LPCAT3: variants seen among roughly 807,000 people sequenced by gnomAD.
LPCAT3 encodes lysophospholipid acyltransferase 5.
LPCAT3 carries 21 observed loss-of-function variants against 63.4 expected under a neutral mutation model. The observed-to-expected ratio is 0.33, with a 90% confidence interval of 0.23 to 0.48. The LOEUF (loss-of-function observed/expected upper bound fraction) is 0.48, where lower values mean the gene tolerates loss of function less well. LPCAT3 is among the 20% of genes least tolerant of loss of function. The pLI, the probability that LPCAT3 is intolerant of heterozygous loss-of-function variation, is 0.99. For synonymous variants in LPCAT3, 242 were observed against 227.5 expected (o/e 1.06, Z -0.58); for missense variants, 451 against 590.6 (o/e 0.76, Z 2.45).
chr12:6,980,933 A>C (rs1946464292), intron 6 of LPCAT3, 71 bp downstream of exon 6: 1 of 1,408,074 alleles, frequency 7.1e-7, no homozygotes, highest in East Asian at 2.4e-5. Context: ...TGGAGAATGC[A>C]GCTTTCAGAA....
Position 6,977,672 on chromosome 12 carries a change from G to A in LPCAT3, c.1114C>T (p.Leu372Phe), listed in dbSNP as rs1591710738. Reference protein sequence around the residue: ...SQGLSLLFLALWHGLHSGYLV... With the variant: ...SQGLSLLFLAFWHGLHSGYLV... ...TATCCTGAGTGCAGGCCGTGCCAGAGGGCCAGGAATAGCAACGAGAGACCC... is the reference window on the plus strand; with the variant it reads ...TATCCTGAGTGCAGGCCGTGCCAGAAGGCCAGGAATAGCAACGAGAGACCC... Residue 372 changes from leucine (L) to phenylalanine (F), a missense_variant, in exon 10 of 13, where the codon CTC becomes TTC. Physicochemically the swap from Leu to Phe is conservative, Grantham distance 22. This residue lies in a region of LPCAT3 where 304 missense variants were observed against 390.8 expected (regional missense o/e 0.78). Coordinates refer to ENST00000261407, the MANE Select transcript of LPCAT3 (RefSeq NM_005768.6). This position sits in a 1 kb window ranked among gnomAD's most constrained non-coding sequence, Gnocchi z 4.5. 6.2e-7 allele frequency: 1 copy of A among 1,614,228 alleles called. No individual in the cohort carries two copies. The highest frequency in any genetic ancestry group is 2.2e-5 in the East Asian group (1 of 44,894).
rs1333466394 is a variant in LPCAT3 at position 7,007,583 on chromosome 12, C to A, written c.151+10691G>T. On this transcript the variant is annotated intron_variant, in intron 1 of 12. Transcript: ENST00000261407. ...GATCTCGGCTCACTGCAACCTCCCCCTCCCAGGTTCAAGCGATTCTCCTGC... is the reference window on the plus strand; with the variant it reads ...GATCTCGGCTCACTGCAACCTCCCCATCCCAGGTTCAAGCGATTCTCCTGC... Among the ~76,000 whole-genome samples the A allele has an allele frequency of 2.6e-5, 4 of 151,422 alleles. No homozygotes were observed. In the South Asian group the frequency reaches 8.4e-4, roughly 32 times the overall value.
chr12:6,978,223 G>C (rs1555153567), intron 9 of LPCAT3, 118 bp downstream of exon 9: 1 of 1,220,174 alleles, frequency 8.2e-7, no homozygotes, highest in South Asian at 1.5e-5. Context: ...GTGAGCGACA[G>C]GGGGTTCTGC....
chr12:6,981,687 G>A, intron 4 of LPCAT3, 55 bp from the exon 5 acceptor site: 1 of 1,565,380 alleles, frequency 6.4e-7, no homozygotes, highest in Non-Finnish European at 8.8e-7. Flanking sequence ...CTGAGGATGT[G>A]GCCTGTAGAC....
rs1322290112 is a variant in LPCAT3 at position 6,981,256 on chromosome 12, A to G, written c.499-74T>C. ...ACAAGAGCCACTTTGAGTGTTCCCCACCTGTGTGCCCCACTGACTGGGGTT... is the reference window on the plus strand; with the variant it reads ...ACAAGAGCCACTTTGAGTGTTCCCCGCCTGTGTGCCCCACTGACTGGGGTT... On this transcript the variant is annotated intron_variant, in intron 5 of 12. Transcript: ENST00000261407. 58 of 1,233,458 alleles carry G rather than the reference A, an allele frequency of 4.7e-5. No homozygotes were observed. In the Middle Eastern group the frequency reaches 1.2e-3, roughly 26 times the overall value. 76.4% of individuals were successfully genotyped at this position (1,233,458 alleles called of 1,614,324 possible).
At chr12:6,991,280 T>G (rs1946588526) in intron 1 of LPCAT3, among the ~76,000 whole-genome samples, 1 of 152,214 alleles carries the variant, frequency 6.6e-6, no homozygotes, top group Non-Finnish European at 1.5e-5. Context: ...ATTTTGGATA[T>G]TCTTTAGCGC....
intron 1 of LPCAT3, among the ~76,000 whole-genome samples, chr12:6,986,921 C>G (rs782566324): frequency 6.6e-6 from 1 of 151,918 alleles, no homozygotes. Context: ...TGAGACGAGC[C>G]TGGCCAACAT....
chr12:7,018,465 C>A lies in LPCAT3; in HGVS notation c.-41G>T. The A allele has an allele frequency of 6.6e-7, 1 of 1,519,828 alleles. No homozygotes were observed. The highest frequency in any genetic ancestry group is 2.0e-5 in the Admixed American group (1 of 49,288). 94.1% of individuals were successfully genotyped at this position (1,519,828 alleles called of 1,614,324 possible). On this transcript the variant is annotated 5_prime_UTR_variant, in exon 1 of 13. Coordinates refer to ENST00000261407, the MANE Select transcript of LPCAT3 (RefSeq NM_005768.6). The surrounding 1 kb of genome is among the most constrained non-coding windows in gnomAD (Gnocchi z 4.9). ...CCCACAGGGACCCCCCAGCTCCGCG[C>A]GCCCCGAATGCGGGCAAAACGCTAT...
At chr12:7,003,095 A>G (rs1479264322) in intron 1 of LPCAT3, among the ~76,000 whole-genome samples, 7 of 152,274 alleles carry the variant, frequency 4.6e-5, no homozygotes, top group Admixed American at 6.5e-5. Flanking sequence ...TTTCCTTCAG[A>G]GTATGAAGAA....
chr12:7,015,585 G>C (rs1308969022), intron 1 of LPCAT3, among the ~76,000 whole-genome samples: 2 of 152,164 alleles, frequency 1.3e-5, no homozygotes, highest in Non-Finnish European at 2.9e-5. Flanking sequence ...TGCCTACTAG[G>C]AATACAATCC....
At chr12:6,983,243 C>T in intron 2 of LPCAT3, 189 bp downstream of exon 2, 3 of 529,676 alleles carry the variant, frequency 5.7e-6, no homozygotes, top group Non-Finnish European at 6.8e-6. Context: ...ATGTTTTTAT[C>T]TGACAGAAGA....
chr12:7,001,845 T>C (rs1196179189), intron 1 of LPCAT3, among the ~76,000 whole-genome samples: 1 of 151,756 alleles, frequency 6.6e-6, no homozygotes, highest in Non-Finnish European at 1.5e-5. Flanking sequence ...CTGCATGACA[T>C]TGGAAAAGAA....
chr12:7,003,214 TATTAAA>T (rs1946701298), intron 1 of LPCAT3, among the ~76,000 whole-genome samples: 1 of 152,142 alleles, frequency 6.6e-6, no homozygotes, highest in Non-Finnish European at 1.5e-5. Flanking sequence ...TTTATTTGGT[TATTAAA>T]ATGAGACTTA....
chr12:7,014,878 G>A (rs1477498502), intron 1 of LPCAT3, among the ~76,000 whole-genome samples: 3 of 138,554 alleles, frequency 2.2e-5, no homozygotes, highest in Non-Finnish European at 4.6e-5. Context: ...GGGTGACAGA[G>A]CGAGACTCCG....
chr12:7,012,574 A>T lies in LPCAT3; in HGVS notation c.151+5700T>A, dbSNP rs782417377. On this transcript the variant is annotated intron_variant, in intron 1 of 12. Coordinates refer to ENST00000261407, the MANE Select transcript of LPCAT3 (RefSeq NM_005768.6). The stretch of plus-strand genomic sequence containing the variant: ...ATTATCAAGGGGTAGCAACATTAAC[A>T]TACCCAATCAACGTGAATAAGATCC... Among the ~76,000 whole-genome samples, 13 of 152,362 alleles carry T rather than the reference A, an allele frequency of 8.5e-5. 1 individual carries two copies. The highest frequency in any genetic ancestry group is 2.9e-4 in the African/African-American group (12 of 41,586).
At chr12:7,003,375 T>TA (rs1946703280) in intron 1 of LPCAT3, among the ~76,000 whole-genome samples, 3 of 151,348 alleles carry the variant, frequency 2.0e-5, no homozygotes, top group Non-Finnish European at 4.4e-5. Context: ...TTTTTTTTTT[T>TA]AACATATGTT....
chr12:7,011,664 A>G (rs1946765180), intron 1 of LPCAT3, among the ~76,000 whole-genome samples: 1 of 150,068 alleles, frequency 6.7e-6, no homozygotes, highest in African/African-American at 2.5e-5. Context: ...AAAAAAAAAA[A>G]AAAAGAAAGA....
intron 3 of LPCAT3, 108 bp downstream of exon 3, chr12:6,982,568 G>T: frequency 1.3e-6 from 1 of 764,696 alleles, no homozygotes; most frequent in South Asian, 1.6e-5. Flanking sequence ...TGCTGGGAGA[G>T]GGGTTAGAAA....
chr12:6,983,254 A>C, intron 2 of LPCAT3, 178 bp downstream of exon 2: 1 of 556,816 alleles, frequency 1.8e-6, no homozygotes. Context: ...TGACAGAAGA[A>C]TGTACATAAA....
Sources: gnomAD v4.1 joint callset for allele counts (sites outside exome capture counted in the v4.1 genomes callset) on GRCh38, gnomAD v4.1.1 for gene constraint, gnomAD v4.1.1 regional missense constraint, Gnocchi (gnomAD v3.1) non-coding constraint, MANE v1.5 for transcripts, NCBI Gene and HGNC (gene_info 2026-07-23, HGNC 2026-07-21) for gene names.